Variants in TNFAIP6 observed in about 807,000 individuals in gnomAD.
TNFAIP6 encodes the protein tumor necrosis factor-inducible gene 6 protein.
TNFAIP6 carries 36 observed loss-of-function variants against 33.7 expected under a neutral mutation model. The observed-to-expected ratio is 1.07, with a 90% CI of 0.82 to 1.41. TNFAIP6 has a LOEUF of 1.41. TNFAIP6 is among the 40% of genes most tolerant of loss of function. TNFAIP6 has a pLI of 0.00. For synonymous variants in TNFAIP6, 113 were observed against 112.8 expected, an observed-to-expected ratio of 1.00 and a Z score of -0.01; for missense variants, 273 against 331.9, an observed-to-expected ratio of 0.82 and a Z score of 1.38.
Position 151,379,479 on chromosome 2 carries a change from T to C in TNFAIP6, c.780T>C (p.Ser260=). The part of the protein sequence containing the change: ...VSKSSQGKNT[S]TTSTGNKNFL... ...AATCCAGTCAAGGAAAAAATACAAG[T>C]ACTACTTCTACTGGAAATAAAAACT... The change falls in exon 6 of 6, where the codon AGT becomes AGC. Residue 260 remains serine, a synonymous_variant. Transcript: ENST00000243347. 6.3e-7 allele frequency: 1 copy of C among 1,595,228 alleles called. No homozygotes were observed. The highest frequency in any genetic ancestry group is 8.5e-7 in the Non-Finnish European group (1 of 1,174,278).
rs1386354888 is a variant in TNFAIP6, at chr2:151,379,403, T to A, written c.704T>A (p.Val235Glu). Residue 235 changes from valine (V) to glutamate (E), a missense_variant, in exon 6 of 6, where the codon GTG (valine) becomes GAG (glutamate). Transcript: ENST00000243347. ...TTGAAGTTTCTAAGTGATGCTTCAG[T>A]GACAGCTGGAGGTTTCCAAATCAAA... ...MTLKFLSDAS[V>E]TAGGFQIKYV... 2 of 1,604,614 alleles carry A rather than the reference T, an allele frequency of 1.2e-6. 1 individual carries two copies. The highest frequency in any genetic ancestry group is 3.3e-4 in the Middle Eastern group (2 of 6,054).
At chr2:151,373,663 T>C (rs552184306) in intron 5 of TNFAIP6, 74 bp downstream of exon 5, 1 of 700,570 alleles carries the variant, frequency 1.4e-6, no homozygotes, top group East Asian at 3.0e-5. Context: ...GGGACACTGT[T>C]AAATAGTAAA....
intron 1 of TNFAIP6, among the ~76,000 whole-genome samples, chr2:151,358,463 C>T (rs1028292109): frequency 6.6e-6 from 1 of 152,058 alleles, no homozygotes; most frequent in Non-Finnish European, 1.5e-5. Flanking sequence ...AAGGAAAATG[C>T]AGAAAATCCA....
intron 1 of TNFAIP6, among the ~76,000 whole-genome samples, chr2:151,359,648 A>G (rs1453252987): frequency 6.6e-6 from 1 of 152,170 alleles, no homozygotes; most frequent in Non-Finnish European, 1.5e-5. Context: ...TTGGCCTCCC[A>G]AAGTGCTGGG....
chr2:151,371,752 A>G (rs13430270), intron 4 of TNFAIP6, among the ~76,000 whole-genome samples: 27,562 of 151,352 alleles, frequency 0.18, 2,874 homozygotes, highest in African/African-American at 0.29. Context: ...CTACCACTAC[A>G]CCTGGCTAAT....
intron 2 of TNFAIP6, among the ~76,000 whole-genome samples, chr2:151,364,909 T>C (rs1362888743): frequency 6.6e-6 from 1 of 152,128 alleles, no homozygotes; most frequent in Non-Finnish European, 1.5e-5. Flanking sequence ...ACAAAGCCCA[T>C]AGTCTTTACT....
intron 5 of TNFAIP6, among the ~76,000 whole-genome samples, chr2:151,378,757 G>A (rs2152019949): frequency 6.6e-6 from 1 of 151,914 alleles, no homozygotes; most frequent in Admixed American, 6.6e-5. Context: ...CCAAAGTGCT[G>A]GGATTACAGG....
chr2:151,367,746 T>C (rs543887439), intron 3 of TNFAIP6, among the ~76,000 whole-genome samples: 2 of 152,274 alleles, frequency 1.3e-5, no homozygotes, highest in Admixed American at 6.5e-5. Context: ...TGCATTTAGC[T>C]CGCTTTTGGA....
chr2:151,381,024 T>C (rs1685003312), downstream of TNFAIP6, among the ~76,000 whole-genome samples: 1 of 152,242 alleles, frequency 6.6e-6, no homozygotes, highest in Admixed American at 6.5e-5. Flanking sequence ...ATGAGGGATG[T>C]TGGGACTCAG....
chr2:151,369,446 C>T (rs749705439), intron 3 of TNFAIP6, among the ~76,000 whole-genome samples: 18 of 152,068 alleles, frequency 1.2e-4, no homozygotes, highest in African/African-American at 1.7e-4. Context: ...AGCATCACTA[C>T]ACCTAGCCAT....
downstream of TNFAIP6, among the ~76,000 whole-genome samples, chr2:151,380,272 TG>T (rs1231716211): frequency 6.6e-6 from 1 of 152,184 alleles, no homozygotes; most frequent in East Asian, 1.9e-4. Flanking sequence ...TTTTAAAAAC[TG>T]ATATAATCTT....
Position 151,363,772 on chromosome 2 carries a change from T to C in TNFAIP6, c.95-171T>C, listed in dbSNP as rs1315338851. Among the ~76,000 whole-genome samples, 3 of 152,110 alleles carry C rather than the reference T, an allele frequency of 2.0e-5. No homozygotes were observed. In the East Asian group the frequency reaches 5.8e-4, roughly 29 times the overall value. ...CCCCTAAAATTCCCCCTCATTCAGA[T>C]TTTTCCCCAAAGTTTCCTAACAGTG... is the stretch of plus-strand genomic sequence containing the variant. On this transcript the variant is annotated intron_variant, in intron 1 of 5. Transcript: ENST00000243347.
chr2:151,368,179 G>A (rs188010797), intron 3 of TNFAIP6, among the ~76,000 whole-genome samples: 12 of 151,812 alleles, frequency 7.9e-5, no homozygotes, highest in Non-Finnish European at 1.5e-4. Flanking sequence ...CTTATGGGTT[G>A]CATAACATCC....
intron 1 of TNFAIP6, among the ~76,000 whole-genome samples, chr2:151,361,811 T>C (rs146126360): frequency 1.5e-4 from 23 of 152,326 alleles, no homozygotes; most frequent in Non-Finnish European, 3.2e-4. Flanking sequence ...CATCTTTCAA[T>C]AGAGAAACAA....
intron 5 of TNFAIP6, among the ~76,000 whole-genome samples, chr2:151,376,874 T>TTTTTG: frequency 6.7e-6 from 1 of 149,290 alleles, no homozygotes; most frequent in African/African-American, 2.5e-5. Context: ...TCTTTTTTTT[T>TTTTTG]TTTTTTTTTT....
chr2:151,376,630 G>A (rs1455416065), intron 5 of TNFAIP6, among the ~76,000 whole-genome samples: 1 of 151,982 alleles, frequency 6.6e-6, no homozygotes, highest in Non-Finnish European at 1.5e-5. Flanking sequence ...CCATGTCAGA[G>A]TATGATATTT....
At chr2:151,369,143 T>C (rs1684768099) in intron 3 of TNFAIP6, among the ~76,000 whole-genome samples, 1 of 152,134 alleles carries the variant, frequency 6.6e-6, no homozygotes, top group East Asian at 1.9e-4. Context: ...TGAGCCGAGA[T>C]TGTGCCACTG....
chr2:151,378,316 G>A (rs751416687), intron 5 of TNFAIP6, among the ~76,000 whole-genome samples: 8 of 151,882 alleles, frequency 5.3e-5, no homozygotes, highest in South Asian at 4.2e-4. Flanking sequence ...TTTATATTAC[G>A]GTAAAATGTG....
intron 3 of TNFAIP6, among the ~76,000 whole-genome samples, chr2:151,369,415 A>G (rs1684773652): frequency 1.3e-5 from 2 of 152,050 alleles, no homozygotes; most frequent in African/African-American, 4.8e-5. Context: ...TCAGCCTCCC[A>G]ATTAGCTGGG....
Sources: gnomAD v4.1 joint callset for allele counts (sites outside exome capture counted in the v4.1 genomes callset) on GRCh38, gnomAD v4.1.1 for gene constraint, MANE v1.5 for transcripts, NCBI Gene and HGNC (gene_info 2026-07-23, HGNC 2026-07-21) for gene names.